The following EPHB1 variants were observed in gnomAD, a reference collection of about 807,000 sequenced individuals.
EPHB1 encodes ephrin type-B receptor 1.
In EPHB1, 30 loss-of-function variants were observed where a neutral mutation model predicts 94.4. The observed-to-expected ratio is 0.32, with a 90% CI of 0.24 to 0.43. EPHB1 has a LOEUF of 0.43. Among genes scored for constraint, EPHB1 ranks in the 20% least tolerant of loss-of-function variants. EPHB1 has a pLI of 1.00. For missense variants in EPHB1, 1,055 were observed against 1,308.3 expected, an observed-to-expected ratio of 0.81 and a Z score of 2.99; for synonymous variants, 522 against 489.1, an observed-to-expected ratio of 1.07 and a Z score of -0.89.
chr3:135,175,094 T>A (rs7648994), intron 9 of EPHB1, among the ~76,000 whole-genome samples: 20,065 of 152,150 alleles, frequency 0.13, 1,828 homozygotes, highest in African/African-American at 0.24. Context: ...CCTCCAGCTT[T>A]CAATCCCCAA....
intron 1 of EPHB1, among the ~76,000 whole-genome samples, chr3:134,897,198 A>G (rs1437770658): frequency 6.6e-6 from 1 of 152,214 alleles, no homozygotes; most frequent in Non-Finnish European, 1.5e-5. Flanking sequence ...GGGTTCTGGA[A>G]GAGTCCAACC....
At chr3:135,192,970 T>C in intron 11 of EPHB1, 147 bp downstream of exon 11, 3 of 1,185,128 alleles carry the variant, frequency 2.5e-6, no homozygotes, top group Non-Finnish European at 2.3e-6. Context: ...GATTTGTTGC[T>C]AAAAGAAGAG....
intron 3 of EPHB1, among the ~76,000 whole-genome samples, chr3:135,029,386 G>A (rs1936327500): frequency 1.3e-5 from 2 of 150,914 alleles, no homozygotes; most frequent in East Asian, 2.0e-4. Context: ...CATGTTTAGC[G>A]CTTCCTTCAG....
chr3:134,893,824 G>A (rs959866711), intron 1 of EPHB1, among the ~76,000 whole-genome samples: 3 of 152,350 alleles, frequency 2.0e-5, no homozygotes, highest in African/African-American at 7.2e-5. Flanking sequence ...ACCGTAAACT[G>A]TGTGGGAGTT....
intron 3 of EPHB1, among the ~76,000 whole-genome samples, chr3:135,053,824 A>G (rs2107772981): frequency 6.6e-6 from 1 of 152,212 alleles, no homozygotes; most frequent in South Asian, 2.1e-4. Flanking sequence ...AGTCCCTGCA[A>G]AAAAGAATTT....
At chr3:135,002,287 C>T (rs1360836777) in intron 3 of EPHB1, among the ~76,000 whole-genome samples, 2 of 152,140 alleles carry the variant, frequency 1.3e-5, no homozygotes, top group African/African-American at 2.4e-5. Context: ...CCTTGCATCC[C>T]AGGGATGAAG....
chr3:134,989,497 G>GCACACACA lies in EPHB1; in HGVS notation c.805+37462_805+37469dup, dbSNP rs61202894. The stretch of plus-strand genomic sequence containing the variant: ...CACGCCTGCACACGCACGCGCGCGT[G>GCACACACA]CACACACACACACACACACACACAT... On this transcript the variant is annotated intron_variant, in intron 3 of 15. Transcript: ENST00000398015. Among the ~76,000 whole-genome samples the GCACACACA allele has an allele frequency of 9.4e-3, 1,416 of 149,956 alleles. 9 individuals carry two copies. The highest frequency in any genetic ancestry group is 0.014 in the Non-Finnish European group (936 of 67,354).
chr3:134,970,990 C>G (rs2107726778), intron 3 of EPHB1, among the ~76,000 whole-genome samples: 1 of 152,148 alleles, frequency 6.6e-6, no homozygotes, highest in East Asian at 1.9e-4. Flanking sequence ...TGCTCTAATG[C>G]CCTGGGAAAA....
intron 3 of EPHB1, among the ~76,000 whole-genome samples, chr3:135,005,821 G>A (rs1024289210): frequency 1.4e-4 from 21 of 152,208 alleles, no homozygotes; most frequent in African/African-American, 2.7e-4. Context: ...TTCGGCTCGC[G>A]CACGGTGCAC....
At chr3:135,060,866 A>G (rs906811576) in intron 3 of EPHB1, among the ~76,000 whole-genome samples, 31 of 151,984 alleles carry the variant, frequency 2.0e-4, no homozygotes, top group Non-Finnish European at 5.9e-5. Flanking sequence ...CTGTCTTGCT[A>G]TCAAACAGTA....
chr3:134,922,935 C>G (rs1220504158), intron 1 of EPHB1, among the ~76,000 whole-genome samples: 2 of 152,208 alleles, frequency 1.3e-5, no homozygotes, highest in Non-Finnish European at 2.9e-5. Flanking sequence ...TTCAGGCCCA[C>G]CTGGCGGAGA....
At chr3:134,882,795 TTTC>T (rs1316968029) in intron 1 of EPHB1, among the ~76,000 whole-genome samples, 1,229 of 76,532 alleles carry the variant, frequency 0.016, 15 homozygotes, top group Non-Finnish European at 0.024. Flanking sequence ...TCTTTCTTTC[TTTC>T]TTTCTTTCTT....
chr3:135,083,297 G>C (rs1450098592), intron 3 of EPHB1, among the ~76,000 whole-genome samples: 1 of 152,054 alleles, frequency 6.6e-6, no homozygotes, highest in Non-Finnish European at 1.5e-5. Context: ...GGTGTACAGA[G>C]GAGAAAGCAG....
rs137897193 is a variant in EPHB1, at chr3:135,096,835, T to G, written c.806-9613T>G. 5.5e-4 allele frequency among the ~76,000 whole-genome samples: 84 copies of G among 152,316 alleles called. No homozygotes were observed. The East Asian group carries it at 0.016, about 28-fold the overall frequency. ...ATTCGGGGCCAGGCACAATGGCTCATGCCTGTAGTGCCAGCACTTTGGGAG... is the reference window on the plus strand; with the variant it reads ...ATTCGGGGCCAGGCACAATGGCTCAGGCCTGTAGTGCCAGCACTTTGGGAG... On this transcript the variant is annotated intron_variant, in intron 3 of 15. Transcript: ENST00000398015.
At chr3:135,180,784 C>G (rs915011120) in intron 10 of EPHB1, among the ~76,000 whole-genome samples, 1 of 152,220 alleles carries the variant, frequency 6.6e-6, no homozygotes, top group African/African-American at 2.4e-5. Context: ...TAAAAGAAAT[C>G]TCATTCCTGC....
At chr3:135,057,463 A>T (rs748840517) in intron 3 of EPHB1, among the ~76,000 whole-genome samples, 1 of 151,928 alleles carries the variant, frequency 6.6e-6, no homozygotes, top group Non-Finnish European at 1.5e-5. Context: ...TCCCCAGTGG[A>T]AGGGCCAGGG....
Position 135,179,922 on chromosome 3 carries a change from C to T in EPHB1, c.1822C>T (p.Arg608Trp), listed in dbSNP as rs185655852. ...FTYEDPNEAVREFAKEIDVSF... is the reference protein window; with the variant it reads ...FTYEDPNEAVWEFAKEIDVSF... ...TTACGAGGATCCCAACGAAGCTGTCCGGGAGTTTGCCAAGGAGATTGATGT... is the reference window on the plus strand; with the variant it reads ...TTACGAGGATCCCAACGAAGCTGTCTGGGAGTTTGCCAAGGAGATTGATGT... Residue 608 changes from arginine (R) to tryptophan (W), a missense_variant, in exon 10 of 16, where the codon CGG becomes TGG. Physicochemically the swap from Arg to Trp is moderately radical, Grantham distance 101 (BLOSUM62 -3). Transcript: ENST00000398015. 15 of 1,613,866 alleles carry T rather than the reference C, an allele frequency of 9.3e-6. No homozygotes were observed. Among genetic ancestry groups the T allele is most frequent in the East Asian group, 4.5e-5 (2 of 44,880 alleles).
chr3:135,227,320 A>C (rs1366577319), intron 12 of EPHB1, among the ~76,000 whole-genome samples: 1 of 152,244 alleles, frequency 6.6e-6, no homozygotes, highest in Non-Finnish European at 1.5e-5. Flanking sequence ...ATGTGTTCAA[A>C]GTAAAAAGTG....
chr3:135,003,667 G>C (rs969837308), intron 3 of EPHB1, among the ~76,000 whole-genome samples: 14 of 152,118 alleles, frequency 9.2e-5, no homozygotes, highest in Non-Finnish European at 4.4e-5. Flanking sequence ...TACATATTTA[G>C]GATAGTTAGC....
Sources: allele counts gnomAD v4.1 joint callset (sites outside exome capture counted in the v4.1 genomes callset), GRCh38; gene constraint gnomAD v4.1.1; transcripts MANE v1.5; gene names NCBI Gene and HGNC (gene_info 2026-07-23, HGNC 2026-07-21).